The following CPLX2 variants were observed in gnomAD, a reference collection of about 807,000 sequenced individuals.
CPLX2 encodes complexin-2.
CPLX2 carries 5 observed loss-of-function variants against 16.3 expected under a neutral mutation model. That is an observed-to-expected ratio of 0.31 (90% CI 0.16 to 0.64). The LOEUF (loss-of-function observed/expected upper bound fraction) is 0.64, where lower values mean the gene tolerates loss of function less well. Ranked by LOEUF, CPLX2 falls within the 30% of genes least tolerant of loss-of-function variation. The probability of loss-of-function intolerance (pLI) is 0.79; values close to 1 mark genes in which losing one functional copy is unlikely to be tolerated. For missense variants in CPLX2, 144 were observed against 181.4 expected (o/e 0.79, Z 1.18); for synonymous variants, 89 against 73.2 (o/e 1.22, Z -1.10).
chr5:175,801,157 G>A (rs1758087772), intron 1 of CPLX2, among the ~76,000 whole-genome samples: 2 of 39,898 alleles, frequency 5.0e-5, no homozygotes, highest in Non-Finnish European at 1.0e-4. Flanking sequence ...AAGCAGAGGA[G>A]TGTTAAAAAA....
chr5:175,822,914 G>C (rs1456493811), intron 2 of CPLX2, among the ~76,000 whole-genome samples: 1 of 152,202 alleles, frequency 6.6e-6, no homozygotes, highest in African/African-American at 2.4e-5. Context: ...TCCCAGAGAG[G>C]GGCCATTTCA....
At chr5:175,874,629 C>CA (rs1759715140) in intron 1 of CPLX2, among the ~76,000 whole-genome samples, 1 of 151,826 alleles carries the variant, frequency 6.6e-6, no homozygotes, top group South Asian at 2.1e-4. Context: ...TGGGGAAAGC[C>CA]AGGATGAGAC....
chr5:175,866,596 G>C (rs576493045), upstream of CPLX2, among the ~76,000 whole-genome samples: 1 of 152,082 alleles, frequency 6.6e-6, no homozygotes, highest in Admixed American at 6.5e-5. Context: ...GGGTGGGACG[G>C]GATGAAGGCT....
intron 1 of CPLX2, among the ~76,000 whole-genome samples, chr5:175,801,016 G>A (rs1487628018): frequency 6.6e-6 from 1 of 152,164 alleles, no homozygotes; most frequent in African/African-American, 2.4e-5. Flanking sequence ...GGGAGGTGGA[G>A]TGAGTGAGGG....
At chr5:175,876,658 G>C (rs1322398721) in intron 1 of CPLX2, among the ~76,000 whole-genome samples, 1 of 152,146 alleles carries the variant, frequency 6.6e-6, no homozygotes, top group Admixed American at 6.6e-5. Flanking sequence ...CAGCAAGTTA[G>C]GGATGAGGCT....
At position 175,809,144 on chromosome 5, in the gene CPLX2, G is replaced by C. The variant is rs918496397; in HGVS notation, c.-89+76G>C. 6.6e-6 allele frequency: 1 copy of C among 152,332 alleles called. No individual in the cohort carries two copies. 9.4% of individuals were successfully genotyped at this position (152,332 alleles called of 1,614,324 possible). A position where few individuals can be genotyped will look rare whatever the true frequency, so the allele number is the denominator to read the frequency against. On this transcript the variant is annotated intron_variant, in intron 2 of 4. Coordinates refer to the CPLX2 transcript ENST00000359546. The surrounding 1 kb of genome is among the most constrained non-coding windows in gnomAD (Gnocchi z 4.4). ...CTCATCCCTGGAGCCCTGATGAAGG[G>C]GGCACGTCTTCCCCTCTGTGATTGC...
Position 175,811,997 on chromosome 5 carries a change from G to T in CPLX2, c.-89+2929G>T, listed in dbSNP as rs558936353. Among the ~76,000 whole-genome samples, 15 of 152,374 alleles carry T rather than the reference G, an allele frequency of 9.8e-5. No individual in the cohort carries two copies. The East Asian group carries it at 2.5e-3, about 25-fold the overall frequency. On this transcript the variant is annotated intron_variant, in intron 2 of 4. Coordinates refer to the CPLX2 transcript ENST00000359546. ...GAAGGTCAACTAGACTCAGCAATGA[G>T]GAGAGAAGACAGGGTGAGGCTGGGA...
At position 175,832,985 on chromosome 5, in the gene CPLX2, G is replaced by A. The variant is rs572241005; in HGVS notation, c.-89+23917G>A. 4.2e-4 allele frequency among the ~76,000 whole-genome samples: 64 copies of A among 152,140 alleles called. 1 individual carries two copies. In the South Asian group the frequency reaches 0.011, roughly 26 times the overall value. On this transcript the variant is annotated intron_variant, in intron 2 of 4. Coordinates refer to the CPLX2 transcript ENST00000359546. ...AAGCTGGCCAACATGGTAAAACCCCGTCTCTACTACAAATACAAAAATTAG... is the reference window on the plus strand; with the variant it reads ...AAGCTGGCCAACATGGTAAAACCCCATCTCTACTACAAATACAAAAATTAG...
rs1187508976 is a variant in CPLX2 at position 175,879,916 on chromosome 5, G to A, written c.276G>A (p.Gly92=). ...EKAALEQPCE[G]SLTRPKKAIP... The stretch of plus-strand genomic sequence containing the variant: ...CAGCCCTGGAGCAGCCCTGCGAGGG[G>A]AGCCTGACCCGGCCCAAGAAGGCCA... The change falls in exon 4 of 4, where the codon GGG becomes GGA. Residue 92 remains glycine, a synonymous_variant. Transcript: ENST00000393745. 5.0e-6 allele frequency: 8 copies of A among 1,613,850 alleles called. No homozygotes were observed. In the African/African-American group the frequency reaches 6.7e-5, roughly 13 times the overall value.
intron 2 of CPLX2, among the ~76,000 whole-genome samples, chr5:175,817,318 A>G (rs1758426035): frequency 6.6e-6 from 1 of 152,208 alleles, no homozygotes; most frequent in African/African-American, 2.4e-5. Flanking sequence ...TCTGAGTTTC[A>G]GCTTTATCGC....
intron 2 of CPLX2, among the ~76,000 whole-genome samples, chr5:175,820,225 C>T (rs1332834722): frequency 6.6e-6 from 1 of 152,242 alleles, no homozygotes; most frequent in Admixed American, 6.5e-5. Flanking sequence ...TTCCTCTGGG[C>T]CTTGTGGGGA....
upstream of CPLX2, among the ~76,000 whole-genome samples, chr5:175,866,976 G>A (rs1187620603): frequency 6.6e-6 from 1 of 152,162 alleles, no homozygotes; most frequent in Non-Finnish European, 1.5e-5. Context: ...CTACTCAAGA[G>A]GCTGAGGTGG....
At position 175,849,068 on chromosome 5, in the gene CPLX2, G is replaced by A. The variant is rs534216452; in HGVS notation, c.-88-29584G>A. Among the ~76,000 whole-genome samples the A allele has an allele frequency of 2.6e-4, 39 of 152,312 alleles. No individual in the cohort carries two copies. The highest frequency in any genetic ancestry group is 2.0e-3 in the Admixed American group (31 of 15,298). On this transcript the variant is annotated intron_variant, in intron 2 of 4. Coordinates refer to the CPLX2 transcript ENST00000359546. This position sits in a 1 kb window ranked among gnomAD's most constrained non-coding sequence, Gnocchi z 4.4. ...GGAGACTTTCAAACAGAGGTGTGTC[G>A]TGATCTAACTTACACTTCTCAGGAT...
At chr5:175,801,476 G>A (rs1165543288) in intron 1 of CPLX2, among the ~76,000 whole-genome samples, 1 of 152,190 alleles carries the variant, frequency 6.6e-6, no homozygotes, top group Non-Finnish European at 1.5e-5. Flanking sequence ...CTGCTGCATA[G>A]GTGGACCAAG....
chr5:175,831,593 C>A (rs1758736680), intron 2 of CPLX2, among the ~76,000 whole-genome samples: 1 of 152,194 alleles, frequency 6.6e-6, no homozygotes, highest in African/African-American at 2.4e-5. Flanking sequence ...ATTCAACAAA[C>A]CATAGTCTGC....
chr5:175,819,021 C>T (rs1362921432), intron 2 of CPLX2, among the ~76,000 whole-genome samples: 1 of 152,088 alleles, frequency 6.6e-6, no homozygotes, highest in Non-Finnish European at 1.5e-5. Context: ...AATGAAATCA[C>T]GCCGTGTTGG....
At chr5:175,857,624 T>C (rs1187899369) in intron 2 of CPLX2, among the ~76,000 whole-genome samples, 1 of 152,198 alleles carries the variant, frequency 6.6e-6, no homozygotes, top group Non-Finnish European at 1.5e-5. Flanking sequence ...TTATTGAATG[T>C]TGTACTGAAA....
intron 2 of CPLX2, among the ~76,000 whole-genome samples, chr5:175,843,197 G>A (rs982338144): frequency 9.9e-5 from 15 of 152,210 alleles, no homozygotes; most frequent in African/African-American, 3.6e-4. Flanking sequence ...CAGCTAGTCA[G>A]ACAACAGGCT....
intron 3 of CPLX2, 126 bp downstream of exon 3, chr5:175,879,209 C>T: frequency 9.7e-7 from 1 of 1,032,370 alleles, no homozygotes. Context: ...GAGCCTCACT[C>T]TTCTCATCAG....
Sources: allele counts gnomAD v4.1 joint callset (sites outside exome capture counted in the v4.1 genomes callset), GRCh38; gene constraint gnomAD v4.1.1; non-coding constraint Gnocchi (gnomAD v3.1); transcripts MANE v1.5; gene names NCBI Gene and HGNC (gene_info 2026-07-23, HGNC 2026-07-21).